Variants in PSAT1 observed in about 807,000 individuals in gnomAD.
The protein encoded by PSAT1 is phosphoserine aminotransferase.
In PSAT1, 41 loss-of-function variants were observed where a neutral mutation model predicts 40.3. The ratio of observed to expected loss-of-function variants is 1.02; its 90% CI spans 0.79 to 1.32. The LOEUF is 1.32. Among genes scored for constraint, PSAT1 ranks in the 40% most tolerant of loss-of-function variants. PSAT1 has a pLI of 0.00. For missense variants in PSAT1, 406 were observed against 455.8 expected, an observed-to-expected ratio of 0.89 and a Z score of 0.99; for synonymous variants, 147 against 170.5, an observed-to-expected ratio of 0.86 and a Z score of 1.07.
chr9:78,314,760 G>C (rs985047711), intron 6 of PSAT1, among the ~76,000 whole-genome samples: 6 of 152,124 alleles, frequency 3.9e-5, no homozygotes, highest in South Asian at 2.1e-4. Flanking sequence ...TTCAGGCGTC[G>C]GTACTGAGGT....
chr9:78,315,343 T>C lies in PSAT1; in HGVS notation c.741-2333T>C, dbSNP rs114418989. Among the ~76,000 whole-genome samples the C allele has an allele frequency of 7.1e-3, 1,074 of 152,300 alleles. 12 individuals are homozygous for C. Among genetic ancestry groups the C allele is most frequent in the African/African-American group, 0.025 (1,021 of 41,566 alleles). ...CAAAGTTAACCTCTCTGAGCCTCAG[T>C]TTCCTCATCTGGAAAATGGGATGAC... On this transcript the variant is annotated intron_variant, in intron 6 of 8. Transcript: ENST00000376588.
chr9:78,302,749 A>T (rs2118630889), intron 3 of PSAT1, among the ~76,000 whole-genome samples: 1 of 151,758 alleles, frequency 6.6e-6, no homozygotes, highest in Admixed American at 6.6e-5. Flanking sequence ...AAAAAAAAAA[A>T]AAAAAAAAAA....
rs571569491 is a variant in PSAT1 at position 78,303,813 on chromosome 9, C to G, written c.192-922C>G. ...TTACCTCTGTATCTTTGCTGGAGCT[C>G]TGTTCCCTGGCCATCTGGCTTCCGT... On this transcript the variant is annotated intron_variant, in intron 3 of 8. Transcript: ENST00000376588. Among the ~76,000 whole-genome samples the G allele has an allele frequency of 7.0e-4, 106 of 152,314 alleles. 1 individual carries two copies. The highest frequency in any genetic ancestry group is 2.4e-3 in the African/African-American group (100 of 41,576).
chr9:78,297,862 G>A (rs1436942142), intron 1 of PSAT1, among the ~76,000 whole-genome samples: 6 of 152,162 alleles, frequency 3.9e-5, no homozygotes, highest in Non-Finnish European at 8.8e-5. Flanking sequence ...CCAGCACTTA[G>A]GAACACTGCT....
intron 4 of PSAT1, among the ~76,000 whole-genome samples, chr9:78,305,413 C>A (rs145350790): frequency 0.014 from 2,193 of 152,326 alleles, 44 homozygotes; most frequent in African/African-American, 0.049. Context: ...CTGTGCCTGG[C>A]CTATGCATAC....
chr9:78,322,183 G>A (rs899359211), intron 7 of PSAT1, among the ~76,000 whole-genome samples: 3 of 151,636 alleles, frequency 2.0e-5, no homozygotes, highest in Non-Finnish European at 4.4e-5. Flanking sequence ...CCAAGTGACA[G>A]ATTCCATGTC....
chr9:78,310,994 C>T (rs1828259424), intron 6 of PSAT1, among the ~76,000 whole-genome samples: 1 of 152,194 alleles, frequency 6.6e-6, no homozygotes, highest in South Asian at 2.1e-4. Flanking sequence ...CATTGTGTCT[C>T]CCACTTTCCT....
chr9:78,328,656 C>G (rs1317683417), intron 8 of PSAT1, among the ~76,000 whole-genome samples: 1 of 152,166 alleles, frequency 6.6e-6, no homozygotes, highest in Non-Finnish European at 1.5e-5. Context: ...GGCACTGTCA[C>G]GACAGGCTCA....
intron 3 of PSAT1, among the ~76,000 whole-genome samples, chr9:78,304,180 G>T (rs1387738300): frequency 6.6e-6 from 1 of 152,186 alleles, no homozygotes; most frequent in African/African-American, 2.4e-5. Context: ...AAATGCAGGA[G>T]AATTTAGGTG....
intron 1 of PSAT1, among the ~76,000 whole-genome samples, chr9:78,297,775 G>A (rs1828048028): frequency 6.6e-6 from 1 of 152,242 alleles, no homozygotes; most frequent in African/African-American, 2.4e-5. Context: ...AGTGGATCAC[G>A]TTAGCTGAAA....
At chr9:78,309,520 G>A (rs1308785188) in intron 6 of PSAT1, among the ~76,000 whole-genome samples, 1 of 152,102 alleles carries the variant, frequency 6.6e-6, no homozygotes, top group Non-Finnish European at 1.5e-5. Context: ...GTGCCACTAC[G>A]CCCAGCTAAT....
chr9:78,320,449 C>T (rs1013958214), intron 7 of PSAT1, among the ~76,000 whole-genome samples: 2 of 149,972 alleles, frequency 1.3e-5, no homozygotes, highest in Non-Finnish European at 3.0e-5. Context: ...TCTATCCATC[C>T]ATCACCCACC....
At chr9:78,298,187 C>G (rs1219652288) in intron 1 of PSAT1, 3 of 688,542 alleles carry the variant, frequency 4.4e-6, no homozygotes, top group Non-Finnish European at 5.4e-6. Context: ...CCCACCGTCC[C>G]CAGCCCCACC....
intron 4 of PSAT1, 61 bp from the exon 5 acceptor site, chr9:78,306,253 A>C: frequency 6.3e-7 from 1 of 1,576,320 alleles, no homozygotes; most frequent in Non-Finnish European, 8.7e-7. Context: ...GTTGACTCCC[A>C]TCTATGTAAG....
At position 78,306,465 on chromosome 9, in the gene PSAT1, C is replaced by T; in HGVS notation, c.549C>T (p.Ser183=). The T allele has an allele frequency of 6.2e-7, 1 of 1,614,158 alleles. No individual in the cohort carries two copies. The highest frequency in any genetic ancestry group is 1.1e-5 in the South Asian group (1 of 91,074). Residue 183 remains serine (S), a synonymous_variant, in exon 5 of 9, where the codon TCC becomes TCT. Transcript: ENST00000376588. ...LVCDMSSNFL[S]KPVDVSKFGV... ...GTGACATGTCCTCAAACTTCCTGTC[C>T]AAGCCAGTGGATGTTTCCAAGGTAG...
At chr9:78,312,934 A>G (rs531517354) in intron 6 of PSAT1, among the ~76,000 whole-genome samples, 1 of 152,308 alleles carries the variant, frequency 6.6e-6, no homozygotes, top group South Asian at 2.1e-4. Context: ...GTGCCATAAC[A>G]TCAACTTCAG....
At position 78,308,555 on chromosome 9, in the gene PSAT1, T is replaced by C. The variant is rs1388982421; in HGVS notation, c.712T>C (p.Ser238Pro). Residue 238 changes from serine to proline, a missense_variant, in exon 6 of 9, where the codon TCC becomes CCC. Physicochemically the swap from Ser to Pro is moderately conservative, Grantham distance 74. Transcript: ENST00000376588. ...ATACAAGGTGCAGGCTGGAAACAGC[T>C]CCTTGTACAACACGCCTCCATGTTT... ...LEYKVQAGNS[S>P]LYNTPPCFSI... 1 of 1,614,038 alleles carries C rather than the reference T, an allele frequency of 6.2e-7. No individual in the cohort carries two copies.
chr9:78,304,982 G>A, intron 4 of PSAT1, 42 bp downstream of exon 4: 1 of 1,587,006 alleles, frequency 6.3e-7, no homozygotes, highest in Non-Finnish European at 8.6e-7. Flanking sequence ...GTGCTCAATG[G>A]TGGGTTACCC....
At chr9:78,310,282 C>A (rs1828247202) in intron 6 of PSAT1, among the ~76,000 whole-genome samples, 1 of 152,192 alleles carries the variant, frequency 6.6e-6, no homozygotes, top group Non-Finnish European at 1.5e-5. Flanking sequence ...AGTGGCCTGG[C>A]TGGGGTGTGA....
Sources: gnomAD v4.1 joint callset for allele counts (sites outside exome capture counted in the v4.1 genomes callset) on GRCh38, gnomAD v4.1.1 for gene constraint, MANE v1.5 for transcripts, NCBI Gene and HGNC (gene_info 2026-07-23, HGNC 2026-07-21) for gene names.